The following SNX31 variants were observed in gnomAD, a reference collection of about 807,000 sequenced individuals.
SNX31 encodes the protein sorting nexin 31, also known as sorting nexin-31.
Under a neutral mutation model 65.4 loss-of-function variants are expected in SNX31, and 58 were observed. The observed-to-expected ratio is 0.89, with a 90% CI of 0.72 to 1.10. The LOEUF (loss-of-function observed/expected upper bound fraction) is 1.10. SNX31 is among the 50% of genes least tolerant of loss of function. The pLI is 0.00. For synonymous variants in SNX31, 181 were observed against 190.1 expected (o/e 0.95, Z 0.39); for missense variants, 523 against 529.7 (o/e 0.99, Z 0.12).
At position 100,611,136 on chromosome 8, in the gene SNX31, C is replaced by T. The variant is rs76834370; in HGVS notation, c.611+864G>A. ...ATCTAGGAATATGGATGGCCCTGTA[C>T]ACATCCTTTAGGCATGTGTAAGCCC... On this transcript the variant is annotated intron_variant, in intron 7 of 13. Coordinates refer to ENST00000311812, the MANE Select transcript of SNX31 (RefSeq NM_152628.4). 3.6e-3 allele frequency among the ~76,000 whole-genome samples: 552 copies of T among 152,314 alleles called. 4 individuals carry two copies. Among genetic ancestry groups the T allele is most frequent in the African/African-American group, 0.012 (486 of 41,562 alleles).
chr8:100,596,240 G>T (rs1815080362), intron 10 of SNX31, among the ~76,000 whole-genome samples: 1 of 152,202 alleles, frequency 6.6e-6, no homozygotes, highest in Admixed American at 6.5e-5. Context: ...GGGAGAAGCT[G>T]GCAATGCAAG....
At chr8:100,596,563 C>T (rs774041301) in intron 10 of SNX31, 76 bp downstream of exon 10, 1 of 1,242,022 alleles carries the variant, frequency 8.1e-7, no homozygotes, top group Non-Finnish European at 1.2e-6. Context: ...AAACCTGTCT[C>T]CCTAGTGTCA....
chr8:100,653,632 A>T (rs1820010574), upstream of SNX31, among the ~76,000 whole-genome samples: 1 of 152,208 alleles, frequency 6.6e-6, no homozygotes, highest in Non-Finnish European at 1.5e-5. Flanking sequence ...CTCTGCCGAC[A>T]CTTTGATTTC....
At position 100,625,979 on chromosome 8, in the gene SNX31, C is replaced by T. The variant is rs963541708; in HGVS notation, c.321+4348G>A. Among the ~76,000 whole-genome samples the T allele has an allele frequency of 6.6e-6, 1 of 152,122 alleles. No individual in the cohort carries two copies. The highest frequency in any genetic ancestry group is 2.4e-5 in the African/African-American group (1 of 41,414). On this transcript the variant is annotated intron_variant, in intron 4 of 13. Coordinates refer to ENST00000311812, the MANE Select transcript of SNX31 (RefSeq NM_152628.4). The surrounding 1 kb of genome is among the most constrained non-coding windows in gnomAD (Gnocchi z 4.2). ...TGGTAGCTCACACCTATAATCCCAG[C>T]AGTTTGGGAGGCCGAGATGGGTAGA...
chr8:100,583,214 C>T (rs1400350768), intron 12 of SNX31, among the ~76,000 whole-genome samples: 1 of 151,266 alleles, frequency 6.6e-6, no homozygotes, highest in Non-Finnish European at 1.5e-5. Flanking sequence ...TCAAGCAATT[C>T]TCCTGCCTCA....
At chr8:100,661,899 A>C (rs1200496853) in intron 1 of SNX31, among the ~76,000 whole-genome samples, 2 of 152,098 alleles carry the variant, frequency 1.3e-5, no homozygotes, top group Non-Finnish European at 2.9e-5. Flanking sequence ...ATCTTGGCTC[A>C]CTGCAACCTC....
At chr8:100,638,189 T>C (rs560260147) in intron 2 of SNX31, among the ~76,000 whole-genome samples, 1 of 152,322 alleles carries the variant, frequency 6.6e-6, no homozygotes, top group African/African-American at 2.4e-5. Context: ...ATCATTCCAC[T>C]GCCTTTCTCA....
chr8:100,649,450 A>G lies in SNX31; in HGVS notation c.65T>C (p.Val22Ala). The G allele has an allele frequency of 7.3e-7, 1 of 1,374,344 alleles. No homozygotes were observed. Among genetic ancestry groups the G allele is most frequent in the African/African-American group, 1.5e-5 (1 of 67,388 alleles). 85.1% of individuals were successfully genotyped at this position (1,374,344 alleles called of 1,614,324 possible). ...QRSDALGGRY[V>A]LYSVHLDGFL... ...CCCTGACCCCAGCCCTGGGCGCACC[A>G]CGTAGCGGCCCCCCAGCGCGTCGGA... Residue 22 changes from valine (V) to alanine (A), a missense_variant and splice_region_variant, in exon 1 of 14, where the codon GTG (valine) becomes GCG (alanine). Coordinates refer to ENST00000311812, the MANE Select transcript of SNX31 (RefSeq NM_152628.4).
At chr8:100,645,403 T>C (rs1235988830) in intron 2 of SNX31, among the ~76,000 whole-genome samples, 1 of 152,178 alleles carries the variant, frequency 6.6e-6, no homozygotes, top group Non-Finnish European at 1.5e-5. Context: ...CTGAGAAATA[T>C]CTGGGAGAGG....
rs539383548 is a variant in SNX31, at chr8:100,610,448, A to C, written c.611+1552T>G. ...CAAAACTTACTGAGCATATGGGACT[A>C]TTTTACATAACTCTTGCAATAACCC... On this transcript the variant is annotated intron_variant, in intron 7 of 13. Coordinates refer to ENST00000311812, the MANE Select transcript of SNX31 (RefSeq NM_152628.4). This position sits in a 1 kb window ranked among gnomAD's most constrained non-coding sequence, Gnocchi z 4.0. Among the ~76,000 whole-genome samples the C allele has an allele frequency of 6.6e-6, 1 of 151,860 alleles. No individual in the cohort carries two copies. Among genetic ancestry groups the C allele is most frequent in the Non-Finnish European group, 1.5e-5 (1 of 67,994 alleles).
chr8:100,623,200 A>C (rs1258778251), intron 4 of SNX31, among the ~76,000 whole-genome samples: 2 of 152,234 alleles, frequency 1.3e-5, no homozygotes, highest in Non-Finnish European at 2.9e-5. Context: ...GGCATGTCTT[A>C]CATGGCTGGA....
Position 100,630,058 on chromosome 8 carries a change from G to A in SNX31, c.321+269C>T, listed in dbSNP as rs1818311560. On this transcript the variant is annotated intron_variant, in intron 4 of 13. Coordinates refer to ENST00000311812, the MANE Select transcript of SNX31 (RefSeq NM_152628.4). The surrounding 1 kb of genome is among the most constrained non-coding windows in gnomAD (Gnocchi z 5.3). ...TCTTCTTCATGTCCTGTTTTGAGAT[G>A]TATGATTCTTAGGCTACAGAAAAAG... 6.6e-6 allele frequency among the ~76,000 whole-genome samples: 1 copy of A among 152,188 alleles called. No homozygotes were observed. The highest frequency in any genetic ancestry group is 2.4e-5 in the African/African-American group (1 of 41,448).
intron 9 of SNX31, among the ~76,000 whole-genome samples, chr8:100,597,400 C>T (rs2130912627): frequency 6.6e-6 from 1 of 152,284 alleles, no homozygotes; most frequent in East Asian, 1.9e-4. Flanking sequence ...TGCCACCACA[C>T]CCAACTAATT....
At chr8:100,631,801 C>T (rs2131189559) in intron 3 of SNX31, among the ~76,000 whole-genome samples, 1 of 152,184 alleles carries the variant, frequency 6.6e-6, no homozygotes. Context: ...GAGGGGAAGC[C>T]CTTGCATTAT....
rs1816795658 is a variant in SNX31 at position 100,612,425 on chromosome 8, C to T, written c.524-338G>A. The stretch of plus-strand genomic sequence containing the variant: ...CCCCTTAACTTCCAACTCAAAACCA[C>T]CTCCCCTGGCTTCTTGAGGACATTT... On this transcript the variant is annotated intron_variant, in intron 6 of 13. Coordinates refer to ENST00000311812, the MANE Select transcript of SNX31 (RefSeq NM_152628.4). This position sits in a 1 kb window ranked among gnomAD's most constrained non-coding sequence, Gnocchi z 4.3. Among the ~76,000 whole-genome samples, 1 of 152,048 alleles carries T rather than the reference C, an allele frequency of 6.6e-6. No homozygotes were observed. The highest frequency in any genetic ancestry group is 2.4e-5 in the African/African-American group (1 of 41,390).
chr8:100,590,784 A>AAAC (rs56687985), intron 10 of SNX31, among the ~76,000 whole-genome samples: 8,587 of 151,824 alleles, frequency 0.057, 695 homozygotes, highest in African/African-American at 0.16. Flanking sequence ...TCCATCTCGA[A>AAAC]AACAACAACA....
At chr8:100,585,875 T>C (rs912491039) in intron 11 of SNX31, among the ~76,000 whole-genome samples, 13 of 152,164 alleles carry the variant, frequency 8.5e-5, no homozygotes, top group African/African-American at 2.9e-4. Context: ...TATGAAAAGA[T>C]TGAAAATGAA....
chr8:100,600,828 A>G (rs996806761), intron 8 of SNX31, among the ~76,000 whole-genome samples: 3 of 152,208 alleles, frequency 2.0e-5, no homozygotes, highest in African/African-American at 7.2e-5. Flanking sequence ...AGAAATAGTC[A>G]TATATAATTA....
chr8:100,617,013 C>T (rs1164188742), intron 5 of SNX31, among the ~76,000 whole-genome samples: 1 of 152,078 alleles, frequency 6.6e-6, no homozygotes, highest in African/African-American at 2.4e-5. Context: ...AAGACAGTGT[C>T]CCCTCTGCAG....
Sources: gnomAD v4.1 joint callset for allele counts (sites outside exome capture counted in the v4.1 genomes callset) on GRCh38, gnomAD v4.1.1 for gene constraint, Gnocchi (gnomAD v3.1) non-coding constraint, MANE v1.5 for transcripts, NCBI Gene and HGNC (gene_info 2026-07-23, HGNC 2026-07-21) for gene names.